The following ZMAT3 variants were observed in gnomAD, a reference collection of about 807,000 sequenced individuals.
The protein encoded by ZMAT3 is zinc finger matrin-type protein 3.
In ZMAT3, 17 loss-of-function variants were observed where a neutral mutation model predicts 32.3. That is an observed-to-expected ratio of 0.53 (90% CI 0.36 to 0.79). The LOEUF (loss-of-function observed/expected upper bound fraction) is 0.79, where lower values mean the gene tolerates loss of function less well. Among genes scored for constraint, ZMAT3 ranks in the 30% least tolerant of loss-of-function variants. The pLI, the probability that ZMAT3 is intolerant of heterozygous loss-of-function variation, is 0.00. For missense variants in ZMAT3, 329 were observed against 359.7 expected, an observed-to-expected ratio of 0.91 and a Z score of 0.69; for synonymous variants, 120 against 133.1, an observed-to-expected ratio of 0.90 and a Z score of 0.68.
intron 2 of ZMAT3, among the ~76,000 whole-genome samples, chr3:179,053,829 C>G (rs576305071): frequency 6.6e-6 from 1 of 152,242 alleles, no homozygotes; most frequent in African/African-American, 2.4e-5. Flanking sequence ...CAAAGAAAAA[C>G]CAAGGACCTA....
intron 5 of ZMAT3, 33 bp from the exon 6 acceptor site, chr3:179,025,261 A>G (rs1188027933): frequency 6.6e-7 from 1 of 1,516,632 alleles, no homozygotes; most frequent in Non-Finnish European, 9.0e-7. Context: ...TATATTCAAA[A>G]TATTCATTAA....
intron 2 of ZMAT3, among the ~76,000 whole-genome samples, chr3:179,052,120 C>G (rs1331305423): frequency 6.6e-6 from 1 of 151,774 alleles, no homozygotes; most frequent in Non-Finnish European, 1.5e-5. Flanking sequence ...TAAGCAAAGA[C>G]TTCAACAAGA....
At chr3:179,068,991 C>T (rs528572209) in intron 1 of ZMAT3, among the ~76,000 whole-genome samples, 8 of 152,270 alleles carry the variant, frequency 5.3e-5, no homozygotes, top group Admixed American at 1.3e-4. Flanking sequence ...CACCTCAGTC[C>T]CCACTCAGCT....
chr3:179,022,687 A>G lies in ZMAT3; in HGVS notation c.*2330T>C, dbSNP rs928519103. On this transcript the variant is annotated 3_prime_UTR_variant, in exon 6 of 6. Coordinates refer to ENST00000311417, the MANE Select transcript of ZMAT3 (RefSeq NM_022470.4). ...ATTATACTAAGAGTCACAGGTCTAGATAGAATCCTAACAGAATAGTATTTG... is the reference window on the plus strand; with the variant it reads ...ATTATACTAAGAGTCACAGGTCTAGGTAGAATCCTAACAGAATAGTATTTG... 2 of 152,126 alleles carry G rather than the reference A, an allele frequency of 1.3e-5. No individual in the cohort carries two copies. The highest frequency in any genetic ancestry group is 3.9e-4 in the East Asian group (2 of 5,188). The allele number at this position is 152,126 out of a possible 1,614,324, so 9.4% of individuals were successfully genotyped here.
chr3:179,062,396 T>C (rs931199351), intron 2 of ZMAT3, among the ~76,000 whole-genome samples: 1 of 152,196 alleles, frequency 6.6e-6, no homozygotes, highest in Non-Finnish European at 1.5e-5. Flanking sequence ...TAGAAAAGAC[T>C]TGGGCATAGT....
In ZMAT3 at chr3:179,023,977, C is replaced by T. The variant is rs889628168; in HGVS notation, c.*1040G>A. 1.3e-5 allele frequency: 2 copies of T among 151,516 alleles called. No homozygotes were observed. Among genetic ancestry groups the T allele is most frequent in the Non-Finnish European group, 2.9e-5 (2 of 68,030 alleles). 9.4% of individuals were successfully genotyped at this position (151,516 alleles called of 1,614,324 possible). Reference sequence around the variant, plus strand: ...CCTCGTGATCCGCCTGCTTCGGCCTCCCAAAGTGCTGGGATTACAGGCGTG... The same window carrying T: ...CCTCGTGATCCGCCTGCTTCGGCCTTCCAAAGTGCTGGGATTACAGGCGTG... On this transcript the variant is annotated 3_prime_UTR_variant, in exon 6 of 6. Transcript: ENST00000311417.
chr3:179,044,876 G>T (rs1720144889), intron 2 of ZMAT3, among the ~76,000 whole-genome samples: 1 of 151,880 alleles, frequency 6.6e-6, no homozygotes, highest in African/African-American at 2.4e-5. Context: ...ACTAGGGCCT[G>T]TCAGGGGGCG....
rs959362632 is a variant in ZMAT3, at chr3:179,019,448, G to A, written c.*5569C>T. 2.0e-5 allele frequency: 3 copies of A among 151,962 alleles called. No individual in the cohort carries two copies. Among genetic ancestry groups the A allele is most frequent in the Non-Finnish European group, 4.4e-5 (3 of 67,954 alleles). 9.4% of individuals were successfully genotyped at this position (151,962 alleles called of 1,614,324 possible). On this transcript the variant is annotated 3_prime_UTR_variant, in exon 6 of 6. Transcript: ENST00000311417. ...ATGTTCTTTAAAAAAAAAATCTGAT[G>A]GATCGATGGATGAAAAGAGGGATAG...
chr3:179,055,710 C>T (rs986456890), intron 2 of ZMAT3, among the ~76,000 whole-genome samples: 4 of 152,012 alleles, frequency 2.6e-5, no homozygotes, highest in Non-Finnish European at 5.9e-5. Flanking sequence ...ATAACCCTGA[C>T]GGCTATATTG....
In ZMAT3 at chr3:179,022,635, A is replaced by C. The variant is rs1314168269; in HGVS notation, c.*2382T>G. On this transcript the variant is annotated 3_prime_UTR_variant, in exon 6 of 6. Coordinates refer to ENST00000311417, the MANE Select transcript of ZMAT3 (RefSeq NM_022470.4). ...CTACTTTATAGATTACTGAAAAAATAATAATAATAATAATAATAAAAGGGT... is the reference window on the plus strand; with the variant it reads ...CTACTTTATAGATTACTGAAAAAATCATAATAATAATAATAATAAAAGGGT... 1 of 134,816 alleles carries C rather than the reference A, an allele frequency of 7.4e-6. No individual in the cohort carries two copies. The highest frequency in any genetic ancestry group is 1.6e-5 in the Non-Finnish European group (1 of 61,996). The allele number at this position is 134,816 out of a possible 1,614,324, so 8.4% of individuals were successfully genotyped here.
intron 2 of ZMAT3, among the ~76,000 whole-genome samples, chr3:179,062,877 T>A (rs1423720095): frequency 6.6e-6 from 1 of 152,206 alleles, no homozygotes; most frequent in Non-Finnish European, 1.5e-5. Context: ...ACTATCAAGG[T>A]AGTAACAACA....
chr3:179,068,243 A>T (rs1381385647), intron 1 of ZMAT3, among the ~76,000 whole-genome samples: 1 of 152,086 alleles, frequency 6.6e-6, no homozygotes, highest in Non-Finnish European at 1.5e-5. Flanking sequence ...GTGGTGGCTC[A>T]CGCCTGTAAT....
At chr3:179,059,545 C>A (rs910706979) in intron 2 of ZMAT3, among the ~76,000 whole-genome samples, 5 of 152,180 alleles carry the variant, frequency 3.3e-5, no homozygotes, top group Non-Finnish European at 5.9e-5. Context: ...ATCCCTGTAT[C>A]TTTAACCTCC....
chr3:179,050,719 A>C (rs567115531), intron 2 of ZMAT3, among the ~76,000 whole-genome samples: 41 of 152,350 alleles, frequency 2.7e-4, no homozygotes, highest in African/African-American at 9.6e-4. Context: ...AAAAATCCTC[A>C]ACAAAATACT....
chr3:179,070,367 A>C (rs949453994), intron 1 of ZMAT3, among the ~76,000 whole-genome samples: 1 of 152,260 alleles, frequency 6.6e-6, no homozygotes, highest in African/African-American at 2.4e-5. Flanking sequence ...AATTCTTGCC[A>C]AACACAGATT....
Position 179,030,919 on chromosome 3 carries a change from G to C in ZMAT3, c.351C>G (p.Val117=). The change falls in exon 3 of 6, where the codon GTC becomes GTG. Residue 117 remains valine (V), a synonymous_variant. Transcript: ENST00000311417. ...CPPPARMSNV[V]EPAATPVVPV... is the part of the protein sequence containing the mutation. The stretch of plus-strand genomic sequence containing the variant: ...GAACAACTGGAGTAGCTGCAGGCTC[G>C]ACCACATTGCTCATTCTAGCAGGAG... 6.2e-7 allele frequency: 1 copy of C among 1,613,778 alleles called. No individual in the cohort carries two copies. Among genetic ancestry groups the C allele is most frequent in the Non-Finnish European group, 8.5e-7 (1 of 1,179,846 alleles).
upstream of ZMAT3, chr3:179,072,215 TCCTTTAAACTGCTGCAACAGAA>T (rs1419179937): frequency 1.1e-4 from 17 of 152,492 alleles, no homozygotes; most frequent in African/African-American, 3.6e-4. Flanking sequence ...GCTGAGTGGA[TCCTTTAAACTGCTGCAACAGAA>T]CCTTTAAACT....
At chr3:179,040,480 C>T (rs1438637403) in intron 2 of ZMAT3, among the ~76,000 whole-genome samples, 2 of 152,150 alleles carry the variant, frequency 1.3e-5, no homozygotes, top group Admixed American at 6.5e-5. Flanking sequence ...TCCAGCCAAA[C>T]TAAGCTTCAT....
At chr3:179,028,785 C>T (rs896606482) in intron 3 of ZMAT3, among the ~76,000 whole-genome samples, 3 of 152,178 alleles carry the variant, frequency 2.0e-5, no homozygotes, top group African/African-American at 7.2e-5. Context: ...AGAATTGCTA[C>T]CCACACTTTT....
Sources: allele counts gnomAD v4.1 joint callset (sites outside exome capture counted in the v4.1 genomes callset), GRCh38; gene constraint gnomAD v4.1.1; transcripts MANE v1.5; gene names NCBI Gene and HGNC (gene_info 2026-07-23, HGNC 2026-07-21).